Variants in DNAJB4 observed in about 807,000 individuals in gnomAD.
The protein encoded by DNAJB4 is DnaJ heat shock protein family (Hsp40) member B4.
DNAJB4 carries 10 observed loss-of-function variants against 26.6 expected under a neutral mutation model. The observed-to-expected ratio is 0.38, with a 90% confidence interval of 0.23 to 0.64. DNAJB4 has a LOEUF of 0.64. Among genes scored for constraint, DNAJB4 ranks in the 30% least tolerant of loss-of-function variants. The pLI is 0.58. For synonymous variants in DNAJB4, 136 were observed against 134.8 expected, an observed-to-expected ratio of 1.01 and a Z score of -0.06; for missense variants, 328 against 408.2, an observed-to-expected ratio of 0.80 and a Z score of 1.69.
chr1:78,003,761 C>T (rs957059577), upstream of DNAJB4, among the ~76,000 whole-genome samples: 3 of 151,984 alleles, frequency 2.0e-5, no homozygotes, highest in Non-Finnish European at 4.4e-5. Flanking sequence ...ATATGTTATA[C>T]TTTCAAAAGC....
intron 1 of DNAJB4, among the ~76,000 whole-genome samples, chr1:77,989,376 C>T (rs1355377363): frequency 2.0e-5 from 3 of 152,164 alleles, no homozygotes; most frequent in South Asian, 2.1e-4. Flanking sequence ...CTTAAAACCT[C>T]TTTTATCCTT....
chr1:77,994,524 TCTC>T (rs1263978751), intron 1 of DNAJB4, among the ~76,000 whole-genome samples: 8 of 151,962 alleles, frequency 5.3e-5, no homozygotes, highest in South Asian at 4.1e-4. Flanking sequence ...CTGCATATCC[TCTC>T]CTCCTCTTGG....
chr1:78,003,536 A>G (rs1660243487), upstream of DNAJB4, among the ~76,000 whole-genome samples: 1 of 152,176 alleles, frequency 6.6e-6, no homozygotes, highest in South Asian at 2.1e-4. Context: ...AGGTTAACAC[A>G]TGATTATTAC....
At chr1:77,987,052 G>A (rs768916133) in intron 1 of DNAJB4, among the ~76,000 whole-genome samples, 21 of 152,168 alleles carry the variant, frequency 1.4e-4, no homozygotes, top group Non-Finnish European at 2.5e-4. Context: ...CCTGACCAGA[G>A]TTGAGTCACA....
upstream of DNAJB4, among the ~76,000 whole-genome samples, chr1:78,003,576 A>G (rs1660244401): frequency 6.6e-6 from 1 of 152,058 alleles, no homozygotes; most frequent in Admixed American, 6.5e-5. Flanking sequence ...ATATATGTAC[A>G]TTTTCTTTTC....
chr1:78,012,055 CT>C (rs1435126311), intron 1 of DNAJB4, among the ~76,000 whole-genome samples: 1 of 147,770 alleles, frequency 6.8e-6, no homozygotes, highest in African/African-American at 2.5e-5. Context: ...CTTTTAAAAA[CT>C]TATATATTTA....
rs1660681614 is a variant in DNAJB4 at position 78,017,825 on chromosome 1, T to C, written c.*1578T>C. On this transcript the variant is annotated 3_prime_UTR_variant, in exon 3 of 3. Coordinates refer to ENST00000370763, the MANE Select transcript of DNAJB4 (RefSeq NM_007034.5). ...TAGCTTAATGTTTTCAAGGTTCATC[T>C]ATGTTGTATCACGTATCAGTACTTT... The C allele has an allele frequency of 1.3e-5, 2 of 151,002 alleles. No homozygotes were observed. Among genetic ancestry groups the C allele is most frequent in the Non-Finnish European group, 3.0e-5 (2 of 67,694 alleles). The allele number at this position is 151,002 out of a possible 1,614,324, so 9.4% of individuals were successfully genotyped here.
At position 78,016,354 on chromosome 1, in the gene DNAJB4, T is replaced by C; in HGVS notation, c.*107T>C. 1 of 968,680 alleles carries C rather than the reference T, an allele frequency of 1.0e-6. No individual in the cohort carries two copies. The highest frequency in any genetic ancestry group is 1.7e-5 in the South Asian group (1 of 57,810). The allele number at this position is 968,680 out of a possible 1,614,324, so 60.0% of individuals were successfully genotyped here. ...TCTGTATAAAGATGTGTAAATTCTT[T>C]TGAGGGTTCATTAAATTGCATGAAT... On this transcript the variant is annotated 3_prime_UTR_variant, in exon 3 of 3. Coordinates refer to ENST00000370763, the MANE Select transcript of DNAJB4 (RefSeq NM_007034.5).
intron 1 of DNAJB4, among the ~76,000 whole-genome samples, chr1:77,999,659 A>G (rs1660146515): frequency 6.6e-6 from 1 of 152,172 alleles, no homozygotes; most frequent in African/African-American, 2.4e-5. Flanking sequence ...AATACTGAAA[A>G]TAATGTATAT....
chr1:78,017,424 G>A lies in DNAJB4; in HGVS notation c.*1177G>A, dbSNP rs933998432. The A allele has an allele frequency of 6.5e-4, 99 of 151,624 alleles. No individual in the cohort carries two copies. The highest frequency in any genetic ancestry group is 2.2e-3 in the African/African-American group (89 of 41,382). The allele number at this position is 151,624 out of a possible 1,614,324, so 9.4% of individuals were successfully genotyped here. On this transcript the variant is annotated 3_prime_UTR_variant, in exon 3 of 3. Transcript: ENST00000370763. Reference sequence around the variant, plus strand: ...ATATATATATATACTGGATCCTATCGCCTTTTAGTAGAATATGAAATATTC... The same window carrying A: ...ATATATATATATACTGGATCCTATCACCTTTTAGTAGAATATGAAATATTC...
chr1:78,015,554 T>TC (rs1314290338), intron 2 of DNAJB4, among the ~76,000 whole-genome samples: 1 of 146,162 alleles, frequency 6.8e-6, no homozygotes, highest in Non-Finnish European at 1.5e-5. Flanking sequence ...TTTCTTCTTT[T>TC]TTTTTTTTTT....
chr1:77,997,784 CT>C (rs1170981084), intron 1 of DNAJB4, among the ~76,000 whole-genome samples: 3 of 151,538 alleles, frequency 2.0e-5, no homozygotes, highest in Non-Finnish European at 2.9e-5. Context: ...TAATAATTAA[CT>C]TTTTTTTTCT....
chr1:78,015,996 T>G lies in DNAJB4; in HGVS notation c.781-18T>G, dbSNP rs751367336. On this transcript the variant is annotated intron_variant, in intron 2 of 2. Transcript: ENST00000370763. ...AGTTTTGAAGTGTTTTCATTTTATTTTATTTGGTCCATTTTAGGCATTGTG... is the reference window on the plus strand; with the variant it reads ...AGTTTTGAAGTGTTTTCATTTTATTGTATTTGGTCCATTTTAGGCATTGTG... The G allele has an allele frequency of 1.2e-6, 2 of 1,602,592 alleles. No individual in the cohort carries two copies. The highest frequency in any genetic ancestry group is 2.7e-5 in the African/African-American group (2 of 74,434).
rs1660340369 is a variant in DNAJB4, at chr1:78,006,819, A to G, written c.211+1498A>G. Among the ~76,000 whole-genome samples the G allele has an allele frequency of 2.0e-5, 3 of 152,302 alleles. No homozygotes were observed. In the South Asian group the frequency reaches 6.2e-4, roughly 32 times the overall value. ...GAGATACTACCAATAATGTACTACT[A>G]TTTCTAAAGGAGTAATTTTGTAATT... On this transcript the variant is annotated intron_variant, in intron 1 of 2. Transcript: ENST00000370763.
At chr1:77,981,611 C>T (rs1232048466) in intron 1 of DNAJB4, among the ~76,000 whole-genome samples, 1 of 152,136 alleles carries the variant, frequency 6.6e-6, no homozygotes, top group Admixed American at 6.5e-5. Context: ...CGCGCCCAGC[C>T]ACAATAAAAT....
intron 1 of DNAJB4, among the ~76,000 whole-genome samples, chr1:77,989,374 C>T (rs1172771780): frequency 1.3e-5 from 2 of 152,100 alleles, no homozygotes; most frequent in African/African-American, 4.8e-5. Context: ...ATCTTAAAAC[C>T]TCTTTTATCC....
chr1:77,986,021 A>C (rs1334848266), intron 1 of DNAJB4, among the ~76,000 whole-genome samples: 2 of 152,222 alleles, frequency 1.3e-5, no homozygotes, highest in African/African-American at 4.8e-5. Context: ...TTGAAGAGTC[A>C]GAATGGGAGA....
At chr1:77,999,706 C>T (rs1017222992) in intron 1 of DNAJB4, among the ~76,000 whole-genome samples, 2 of 152,102 alleles carry the variant, frequency 1.3e-5, no homozygotes, top group African/African-American at 4.8e-5. Context: ...GACACATGTA[C>T]TATCTCATCT....
At chr1:77,986,175 T>C (rs1659785652) in intron 1 of DNAJB4, among the ~76,000 whole-genome samples, 1 of 152,142 alleles carries the variant, frequency 6.6e-6, no homozygotes, top group Non-Finnish European at 1.5e-5. Context: ...TATCTTGGGG[T>C]AAAGACTTCA....
Sources: allele counts gnomAD v4.1 joint callset (sites outside exome capture counted in the v4.1 genomes callset), GRCh38; gene constraint gnomAD v4.1.1; transcripts MANE v1.5; gene names NCBI Gene and HGNC (gene_info 2026-07-23, HGNC 2026-07-21).